Variants in SAMD12 observed in about 807,000 individuals in gnomAD.
SAMD12 encodes sterile alpha motif domain containing 12.
In SAMD12, 9 loss-of-function variants were observed where a neutral mutation model predicts 15.0. The ratio of observed to expected loss-of-function variants is 0.60; its 90% CI spans 0.36 to 1.05. SAMD12 has a LOEUF of 1.05. Ranked by LOEUF, SAMD12 falls within the 50% of genes least tolerant of loss-of-function variation. SAMD12 has a pLI of 0.01. For missense variants in SAMD12, 230 were observed against 234.2 expected (o/e 0.98, Z 0.12); for synonymous variants, 86 against 90.1 (o/e 0.96, Z 0.25).
the SAMD12 span, among the ~76,000 whole-genome samples, chr8:118,149,191 TC>T: frequency 6.6e-6 from 1 of 152,208 alleles, no homozygotes; most frequent in African/African-American, 2.4e-5. Flanking sequence ...AAACTTGAGC[TC>T]CCAGGCTCAA....
intron 1 of SAMD12, among the ~76,000 whole-genome samples, chr8:118,599,809 T>C (rs1036807146): frequency 6.6e-6 from 1 of 152,142 alleles, no homozygotes; most frequent in African/African-American, 2.4e-5. Flanking sequence ...TATGTAAACC[T>C]GGAAAAACCT....
chr8:118,572,173 T>C (rs1827029598), intron 2 of SAMD12, among the ~76,000 whole-genome samples: 1 of 152,224 alleles, frequency 6.6e-6, no homozygotes, highest in Admixed American at 6.5e-5. Context: ...GATTTCTGAC[T>C]TGCTTGGGGC....
Position 118,580,902 on chromosome 8 carries a change from A to C in SAMD12, c.14-9T>G, listed in dbSNP as rs767461349. On this transcript the variant is annotated splice_polypyrimidine_tract_variant and intron_variant, in intron 1 of 3. Coordinates refer to ENST00000314727, the MANE Select transcript of SAMD12 (RefSeq NM_207506.3). ...CAAACCACAGTGGAGAGCTAGGAAA[A>C]AGCAACAAATAGAACTCAGAAAACA... is the stretch of plus-strand genomic sequence containing the variant. 1.2e-6 allele frequency: 2 copies of C among 1,600,252 alleles called. No homozygotes were observed. The highest frequency in any genetic ancestry group is 8.5e-7 in the Non-Finnish European group (1 of 1,174,094).
rs556070704 is a variant in SAMD12, at chr8:118,207,051, C to G, written c.434-9319G>C. Among the ~76,000 whole-genome samples the G allele has an allele frequency of 5.3e-5, 8 of 152,306 alleles. No homozygotes were observed. In the South Asian group the frequency reaches 1.4e-3, roughly 28 times the overall value. On this transcript the variant is annotated intron_variant, in intron 4 of 4. Coordinates refer to the SAMD12 transcript ENST00000409003. ...CAGTTTTCAAGTATGGGCAGAATTT[C>G]CTGGGAGGCCAGGATATTGTTCTCT... is the stretch of plus-strand genomic sequence containing the variant.
At chr8:118,394,135 T>A (rs1012175138) in intron 3 of SAMD12, among the ~76,000 whole-genome samples, 1 of 152,220 alleles carries the variant, frequency 6.6e-6, no homozygotes, top group African/African-American at 2.4e-5. Flanking sequence ...CCTTTGCTCC[T>A]TAAAGAAAGT....
rs184487373 is a variant in SAMD12 at position 118,494,362 on chromosome 8, T to C, written c.193-54401A>G. Among the ~76,000 whole-genome samples, 366 of 152,320 alleles carry C rather than the reference T, an allele frequency of 2.4e-3. 8 individuals are homozygous for C. Among genetic ancestry groups the C allele is most frequent in the East Asian group, 1.5e-3 (8 of 5,188 alleles). ...TTTATCCACTATGTGTGTGGCAATT[T>C]GTTAGAGCAGCAACAGGAAAATATA... On this transcript the variant is annotated intron_variant, in intron 2 of 3. Transcript: ENST00000314727.
intron 2 of SAMD12, among the ~76,000 whole-genome samples, chr8:118,473,672 T>A (rs1823872846): frequency 6.6e-6 from 1 of 152,220 alleles, no homozygotes; most frequent in Non-Finnish European, 1.5e-5. Context: ...TTGCTAATTG[T>A]GACTCTCCGA....
intron 2 of SAMD12, among the ~76,000 whole-genome samples, chr8:118,561,950 C>T (rs927248585): frequency 1.3e-5 from 2 of 152,028 alleles, no homozygotes; most frequent in African/African-American, 4.8e-5. Context: ...TCTATTCAGT[C>T]CACAAATATA....
chr8:118,512,159 T>C (rs1825108407), intron 2 of SAMD12, among the ~76,000 whole-genome samples: 1 of 152,218 alleles, frequency 6.6e-6, no homozygotes, highest in African/African-American at 2.4e-5. Context: ...ATTGGGCCAG[T>C]GAATACAATC....
chr8:118,480,804 C>T (rs1055585126), intron 2 of SAMD12, among the ~76,000 whole-genome samples: 1 of 152,344 alleles, frequency 6.6e-6, no homozygotes, highest in Admixed American at 6.5e-5. Flanking sequence ...TTGGCTCCAG[C>T]GGCACTGGCA....
intron 3 of SAMD12, among the ~76,000 whole-genome samples, chr8:118,384,811 A>G (rs1166675909): frequency 1.3e-5 from 2 of 152,202 alleles, no homozygotes; most frequent in African/African-American, 2.4e-5. Flanking sequence ...CTCGAACCCC[A>G]AAGCTCTGAG....
intron 2 of SAMD12, among the ~76,000 whole-genome samples, chr8:118,512,109 T>C (rs1030109791): frequency 6.6e-6 from 1 of 152,218 alleles, no homozygotes; most frequent in Admixed American, 6.5e-5. Flanking sequence ...TCTATATTGT[T>C]TTTGGAGCAC....
chr8:118,177,985 T>G, the SAMD12 span, among the ~76,000 whole-genome samples: 2 of 152,198 alleles, frequency 1.3e-5, no homozygotes, highest in East Asian at 3.9e-4. Flanking sequence ...GTTCCTATGC[T>G]GAATTGAAAC....
chr8:118,355,787 T>A (rs1027620043), intron 4 of SAMD12, among the ~76,000 whole-genome samples: 6 of 152,216 alleles, frequency 3.9e-5, no homozygotes, highest in African/African-American at 1.4e-4. Flanking sequence ...TAGAAGCTTA[T>A]ATATACCACC....
chr8:118,328,812 T>C lies in SAMD12; in HGVS notation c.433+50748A>G, dbSNP rs137930403. ...TTGAAATGATGCTCTTCCTTGTTCA[T>C]AGTCATATCACTGGTCATATCATCC... On this transcript the variant is annotated intron_variant, in intron 4 of 4. Transcript: ENST00000409003. Among the ~76,000 whole-genome samples, 453 of 152,328 alleles carry C rather than the reference T, an allele frequency of 3.0e-3. 4 individuals are homozygous for C. The highest frequency in any genetic ancestry group is 3.2e-3 in the Non-Finnish European group (217 of 68,018).
intron 3 of SAMD12, chr8:118,400,387 T>C (rs1820810384): frequency 6.6e-6 from 1 of 152,250 alleles, no homozygotes; most frequent in African/African-American, 2.4e-5. Context: ...CTTATACTTC[T>C]AATCACTATA....
chr8:118,250,581 C>A lies in SAMD12; in HGVS notation c.434-52849G>T, dbSNP rs572765571. On this transcript the variant is annotated intron_variant, in intron 4 of 4. Transcript: ENST00000409003. ...GCAGTGGTGCAATCTTGGCTCACTG[C>A]AACCTCCACCTCATAGGTTTAAGCG... 6.6e-5 allele frequency among the ~76,000 whole-genome samples: 10 copies of A among 151,680 alleles called. No homozygotes were observed. In the East Asian group the frequency reaches 1.9e-3, roughly 29 times the overall value.
At chr8:118,189,143 C>T (rs748544511), downstream of SAMD12, among the ~76,000 whole-genome samples, 1 of 152,120 alleles carries the variant, frequency 6.6e-6, no homozygotes, top group Non-Finnish European at 1.5e-5. Flanking sequence ...TTGCATCTAT[C>T]GTCCAGCTGT....
At chr8:118,139,533 T>C in the SAMD12 span, among the ~76,000 whole-genome samples, 1 of 152,076 alleles carries the variant, frequency 6.6e-6, no homozygotes, top group Admixed American at 6.5e-5. Flanking sequence ...TATATCTATA[T>C]ATTTTTAGAG....
Sources: gnomAD v4.1 joint callset for allele counts (sites outside exome capture counted in the v4.1 genomes callset) on GRCh38, gnomAD v4.1.1 for gene constraint, MANE v1.5 for transcripts, NCBI Gene and HGNC (gene_info 2026-07-23, HGNC 2026-07-21) for gene names.